The following ASIC2 variants were observed in gnomAD, a reference collection of about 807,000 sequenced individuals.
ASIC2 encodes acid-sensing ion channel 2.
In ASIC2, 25 loss-of-function variants were observed where a neutral mutation model predicts 57.3. That is an observed-to-expected ratio of 0.44 (90% CI 0.32 to 0.61). The LOEUF is 0.61. Among genes scored for constraint, ASIC2 ranks in the 20% least tolerant of loss-of-function variants. The probability of loss-of-function intolerance (pLI) is 0.06; values close to 1 mark genes in which losing one functional copy is unlikely to be tolerated. For missense variants in ASIC2, 641 were observed against 738.1 expected (o/e 0.87, Z 1.52); for synonymous variants, 319 against 307.5 (o/e 1.04, Z -0.39).
intron 1 of ASIC2, among the ~76,000 whole-genome samples, chr17:33,192,338 A>G (rs1658182458): frequency 6.6e-6 from 1 of 152,040 alleles, no homozygotes; most frequent in South Asian, 2.1e-4. Flanking sequence ...GGCCAAGACC[A>G]TGCCATTGCA....
At chr17:33,777,914 C>A (rs969500638) in intron 1 of ASIC2, among the ~76,000 whole-genome samples, 15 of 152,180 alleles carry the variant, frequency 9.9e-5, no homozygotes, top group African/African-American at 3.6e-4. Flanking sequence ...CTTCCCATTG[C>A]CCTGCACTGA....
At chr17:33,949,150 T>C (rs572579403) in intron 1 of ASIC2, among the ~76,000 whole-genome samples, 43 of 152,302 alleles carry the variant, frequency 2.8e-4, no homozygotes, top group African/African-American at 9.4e-4. Flanking sequence ...AAACAAGTGG[T>C]GGGTCAAAGT....
chr17:33,374,903 A>G (rs1020181030), intron 1 of ASIC2, among the ~76,000 whole-genome samples: 4 of 152,200 alleles, frequency 2.6e-5, no homozygotes, highest in Admixed American at 6.5e-5. Flanking sequence ...AACCACAGCC[A>G]TGAGAGTTAT....
At chr17:33,717,918 G>A (rs112664028) in intron 1 of ASIC2, among the ~76,000 whole-genome samples, 22 of 152,228 alleles carry the variant, frequency 1.4e-4, no homozygotes, top group East Asian at 5.8e-4. Flanking sequence ...TTTTATTATC[G>A]TAGGGAGTAA....
At chr17:33,150,353 T>C (rs1904733916) in intron 1 of ASIC2, among the ~76,000 whole-genome samples, 1 of 152,194 alleles carries the variant, frequency 6.6e-6, no homozygotes, top group Admixed American at 6.5e-5. Context: ...TACTTGCTGT[T>C]CAGGGAATCA....
At chr17:33,451,244 T>A (rs991890010) in intron 1 of ASIC2, among the ~76,000 whole-genome samples, 1 of 151,984 alleles carries the variant, frequency 6.6e-6, no homozygotes, top group African/African-American at 2.4e-5. Context: ...TTTACAAAGT[T>A]TTGTATTTTT....
At chr17:33,331,830 C>G (rs550370321) in intron 1 of ASIC2, among the ~76,000 whole-genome samples, 7 of 152,180 alleles carry the variant, frequency 4.6e-5, no homozygotes, top group Non-Finnish European at 1.0e-4. Flanking sequence ...GGCAACTGCC[C>G]GTAGTCATTC....
intron 1 of ASIC2, among the ~76,000 whole-genome samples, chr17:33,516,851 G>T (rs1914586821): frequency 2.6e-5 from 4 of 152,158 alleles, no homozygotes; most frequent in Admixed American, 2.6e-4. Flanking sequence ...CACTGGGTTT[G>T]ATTTCCTGTT....
chr17:34,032,157 T>A (rs1907643305), intron 1 of ASIC2, among the ~76,000 whole-genome samples: 1 of 152,208 alleles, frequency 6.6e-6, no homozygotes, highest in Admixed American at 6.5e-5. Flanking sequence ...GACTAACAGC[T>A]GATCTCTTGG....
At chr17:34,044,992 AAC>A (rs1908285188) in intron 1 of ASIC2, among the ~76,000 whole-genome samples, 1 of 152,200 alleles carries the variant, frequency 6.6e-6, no homozygotes, top group Non-Finnish European at 1.5e-5. Context: ...CTCACAGTCG[AAC>A]ACAGGAAGTT....
intron 1 of ASIC2, among the ~76,000 whole-genome samples, chr17:33,506,238 C>CAAAAAAAAAAA (rs533194191): frequency 6.1e-5 from 7 of 114,136 alleles, no homozygotes; most frequent in Non-Finnish European, 1.1e-4. Context: ...ACTAAAAATA[C>CAAAAAAAAAAA]AAAAAAAAAA....
At chr17:33,373,608 G>A (rs1040357250) in intron 1 of ASIC2, among the ~76,000 whole-genome samples, 6 of 152,112 alleles carry the variant, frequency 3.9e-5, no homozygotes, top group Non-Finnish European at 7.4e-5. Context: ...TGTGGCTAGA[G>A]GTCACAAGAT....
intron 1 of ASIC2, among the ~76,000 whole-genome samples, chr17:33,902,123 G>T (rs1394686036): frequency 6.6e-6 from 1 of 152,118 alleles, no homozygotes; most frequent in African/African-American, 2.4e-5. Flanking sequence ...CAGGGGAAAA[G>T]GCAGGAGAGG....
At chr17:33,285,065 T>A (rs2142173949) in intron 1 of ASIC2, among the ~76,000 whole-genome samples, 1 of 152,312 alleles carries the variant, frequency 6.6e-6, no homozygotes, top group East Asian at 1.9e-4. Flanking sequence ...AATTTCTGAG[T>A]AGTTCATCCA....
chr17:33,726,903 C>T (rs1213954179), intron 1 of ASIC2, among the ~76,000 whole-genome samples: 1 of 152,214 alleles, frequency 6.6e-6, no homozygotes, highest in Non-Finnish European at 1.5e-5. Flanking sequence ...CAGCCATCCT[C>T]AAATGTACCA....
chr17:33,540,784 A>G (rs1915384268), intron 1 of ASIC2, among the ~76,000 whole-genome samples: 1 of 152,226 alleles, frequency 6.6e-6, no homozygotes, highest in Admixed American at 6.5e-5. Flanking sequence ...AGATCAGCAC[A>G]CAGGACACGC....
At chr17:34,076,757 C>T (rs549148038) in intron 1 of ASIC2, among the ~76,000 whole-genome samples, 5 of 152,188 alleles carry the variant, frequency 3.3e-5, no homozygotes, top group Non-Finnish European at 7.3e-5. Context: ...GTCTTTCTGA[C>T]TCCATGAGGC....
At position 34,039,290 on chromosome 17, in the gene ASIC2, A is replaced by G; in HGVS notation, c.555+116688T>C. 3.1e-6 allele frequency: 5 copies of G among 1,613,934 alleles called. No homozygotes were observed. The South Asian group carries it at 5.5e-5, about 18-fold the overall frequency. On this transcript the variant is annotated intron_variant, in intron 1 of 9. Coordinates refer to the ASIC2 transcript ENST00000359872. Reference sequence around the variant, plus strand: ...ATGGAGATCTGTTTTTGGGAGCTGCAGGAATGCTCTGTGTTGCCAGATCCC... The same window carrying G: ...ATGGAGATCTGTTTTTGGGAGCTGCGGGAATGCTCTGTGTTGCCAGATCCC...
intron 1 of ASIC2, among the ~76,000 whole-genome samples, chr17:33,341,380 G>A (rs965377728): frequency 1.3e-5 from 2 of 152,192 alleles, no homozygotes; most frequent in Non-Finnish European, 2.9e-5. Context: ...CCACTTTGGA[G>A]AGTGAAATGA....
Sources: allele counts gnomAD v4.1 joint callset (sites outside exome capture counted in the v4.1 genomes callset), GRCh38; gene constraint gnomAD v4.1.1; transcripts MANE v1.5; gene names NCBI Gene and HGNC (gene_info 2026-07-23, HGNC 2026-07-21).